TBC1D5: variants seen among roughly 807,000 people sequenced by gnomAD.
TBC1D5 encodes the protein TBC1 domain family, member 5.
TBC1D5 carries 75 observed loss-of-function variants against 100.3 expected under a neutral mutation model. The ratio of observed to expected loss-of-function variants is 0.75; its 90% CI spans 0.62 to 0.91. The LOEUF (loss-of-function observed/expected upper bound fraction) is 0.91, where lower values mean the gene tolerates loss of function less well. Among genes scored for constraint, TBC1D5 ranks in the 40% least tolerant of loss-of-function variants. The pLI is 0.00. For missense variants in TBC1D5, 910 were observed against 942.4 expected, an observed-to-expected ratio of 0.97 and a Z score of 0.45; for synonymous variants, 323 against 325.6, an observed-to-expected ratio of 0.99 and a Z score of 0.09.
At chr3:17,444,520 T>G (rs1188162877) in intron 3 of TBC1D5, among the ~76,000 whole-genome samples, 1 of 152,116 alleles carries the variant, frequency 6.6e-6, no homozygotes, top group Non-Finnish European at 1.5e-5. Context: ...GATATTTCTT[T>G]TATTTAAAAG....
intron 2 of TBC1D5, among the ~76,000 whole-genome samples, chr3:17,579,050 T>C (rs192587609): frequency 2.4e-4 from 37 of 152,186 alleles, no homozygotes; most frequent in African/African-American, 8.9e-4. Context: ...GCAAAATTAT[T>C]GTTCATACCA....
intron 3 of TBC1D5, among the ~76,000 whole-genome samples, chr3:17,478,402 T>C (rs2095463582): frequency 1.3e-5 from 2 of 152,318 alleles, no homozygotes; most frequent in East Asian, 1.9e-4. Context: ...CAAAAGGTAG[T>C]GGCAACATAG....
chr3:17,430,516 G>GA (rs1011373564), intron 3 of TBC1D5, among the ~76,000 whole-genome samples: 35 of 149,558 alleles, frequency 2.3e-4, no homozygotes, highest in African/African-American at 5.4e-4. Context: ...TGGTAATAGG[G>GA]AAAAAAAAAG....
rs1454203436 is a variant in TBC1D5 at position 17,404,693 on chromosome 3, C to T, written c.441+1G>A. ...AAGACATGAACAAAGACGAACTTTA[C>T]CCCTTCATCCTGTGAAAGAGGATTA... On this transcript the variant is annotated splice_donor_variant, in intron 7 of 21. Transcript: ENST00000253692. LOFTEE classifies it high-confidence loss of function. 6.3e-7 allele frequency: 1 copy of T among 1,596,504 alleles called. No homozygotes were observed. Among genetic ancestry groups the T allele is most frequent in the South Asian group, 1.1e-5 (1 of 87,794 alleles).
chr3:17,456,923 T>C (rs1015756802), intron 3 of TBC1D5, among the ~76,000 whole-genome samples: 2 of 152,168 alleles, frequency 1.3e-5, no homozygotes, highest in Non-Finnish European at 2.9e-5. Context: ...ATTTATATGA[T>C]ATGTCTGAAA....
chr3:17,570,670 T>C (rs1001979217), intron 2 of TBC1D5, among the ~76,000 whole-genome samples: 1 of 152,028 alleles, frequency 6.6e-6, no homozygotes, highest in South Asian at 2.1e-4. Context: ...CAGTATTTTA[T>C]TATATTTTCA....
chr3:17,462,718 G>T (rs2095237397), intron 3 of TBC1D5, among the ~76,000 whole-genome samples: 1 of 152,032 alleles, frequency 6.6e-6, no homozygotes, highest in Non-Finnish European at 1.5e-5. Flanking sequence ...TATCTATACA[G>T]AATAATAATA....
At chr3:17,207,279 A>G (rs1467633339) in intron 18 of TBC1D5, among the ~76,000 whole-genome samples, 1 of 152,244 alleles carries the variant, frequency 6.6e-6, no homozygotes, top group Non-Finnish European at 1.5e-5. Context: ...TTTATTTAAC[A>G]GAAGAATGGC....
intron 1 of TBC1D5, among the ~76,000 whole-genome samples, chr3:17,736,348 G>A (rs1401949336): frequency 6.6e-6 from 1 of 152,128 alleles, no homozygotes; most frequent in Admixed American, 6.6e-5. Flanking sequence ...AGGATAAAGA[G>A]ACTTAAATTA....
intron 2 of TBC1D5, among the ~76,000 whole-genome samples, chr3:17,597,519 T>C (rs2060646577): frequency 6.6e-6 from 1 of 152,230 alleles, no homozygotes; most frequent in Non-Finnish European, 1.5e-5. Flanking sequence ...GAATTGTAAC[T>C]ATGGGAAACT....
At chr3:17,395,716 T>C (rs963753134) in intron 8 of TBC1D5, among the ~76,000 whole-genome samples, 1 of 152,126 alleles carries the variant, frequency 6.6e-6, no homozygotes, top group Non-Finnish European at 1.5e-5. Flanking sequence ...TGCCGCTATG[T>C]ACTACTGCTC....
chr3:17,274,899 G>A lies in TBC1D5; in HGVS notation c.1246-16308C>T, dbSNP rs144567430. 8.0e-3 allele frequency among the ~76,000 whole-genome samples: 1,220 copies of A among 152,260 alleles called. 9 individuals are homozygous for A. The highest frequency in any genetic ancestry group is 0.012 in the Non-Finnish European group (824 of 68,020). On this transcript the variant is annotated intron_variant, in intron 15 of 21. Coordinates refer to ENST00000253692, the Ensembl canonical transcript of TBC1D5. Reference sequence around the variant, plus strand: ...TGGGCTGACGATTTAGTGAAACAGAGCTTTCAGCTTTATCAATTCATATAT... The same window carrying A: ...TGGGCTGACGATTTAGTGAAACAGAACTTTCAGCTTTATCAATTCATATAT...
At chr3:17,164,841 T>C (rs1191839576) in intron 21 of TBC1D5, among the ~76,000 whole-genome samples, 2 of 152,216 alleles carry the variant, frequency 1.3e-5, no homozygotes, top group African/African-American at 4.8e-5. Flanking sequence ...AGGAATTCTC[T>C]CAAGAAATCT....
At chr3:17,180,921 A>G (rs2068372469) in intron 19 of TBC1D5, among the ~76,000 whole-genome samples, 1 of 151,236 alleles carries the variant, frequency 6.6e-6, no homozygotes, top group South Asian at 2.1e-4. Flanking sequence ...TACACCAAAA[A>G]AAAAAAAAAA....
intron 18 of TBC1D5, among the ~76,000 whole-genome samples, chr3:17,208,667 A>G (rs2125917312): frequency 6.6e-6 from 1 of 152,352 alleles, no homozygotes; most frequent in South Asian, 2.1e-4. Flanking sequence ...CTATGTAGAG[A>G]GTTAGACTTA....
chr3:17,617,739 A>C (rs962781698), intron 2 of TBC1D5, among the ~76,000 whole-genome samples: 4 of 152,156 alleles, frequency 2.6e-5, no homozygotes, highest in Admixed American at 2.0e-4. Context: ...CATGGTTTTC[A>C]GCTCCATCAG....
intron 1 of TBC1D5, among the ~76,000 whole-genome samples, chr3:17,640,500 T>G (rs1201145422): frequency 4.6e-5 from 7 of 152,148 alleles, no homozygotes; most frequent in Non-Finnish European, 1.0e-4. Flanking sequence ...AACTTGAAAG[T>G]TAGGTTTTAG....
chr3:17,459,075 A>G (rs529440538), intron 3 of TBC1D5, among the ~76,000 whole-genome samples: 2 of 152,226 alleles, frequency 1.3e-5, no homozygotes, highest in Non-Finnish European at 2.9e-5. Flanking sequence ...AGTTTAAAGA[A>G]ATATTTTAGT....
chr3:17,237,071 T>C (rs76645458), intron 17 of TBC1D5, among the ~76,000 whole-genome samples: 5,749 of 152,176 alleles, frequency 0.038, 189 homozygotes, highest in East Asian at 0.18. Flanking sequence ...TTAAACAGAG[T>C]ATATGGAACA....
Sources: gnomAD v4.1 joint callset for allele counts (sites outside exome capture counted in the v4.1 genomes callset) on GRCh38, gnomAD v4.1.1 for gene constraint, MANE v1.5 for transcripts, NCBI Gene and HGNC (gene_info 2026-07-23, HGNC 2026-07-21) for gene names.